RBPJ: variants seen among roughly 807,000 people sequenced by gnomAD.
The protein encoded by RBPJ is recombination signal binding protein for immunoglobulin kappa J region.
A neutral mutation model predicts 67.8 loss-of-function variants in RBPJ; 9 were observed. The ratio of observed to expected loss-of-function variants is 0.13; its 90% confidence interval spans 0.08 to 0.23. The LOEUF is 0.23. RBPJ is among the 10% of genes least tolerant of loss of function. The pLI is 1.00. For synonymous variants in RBPJ, 198 were observed against 203.3 expected (o/e 0.97, Z 0.22); for missense variants, 305 against 595.6 (o/e 0.51, Z 5.08).
upstream of RBPJ, among the ~76,000 whole-genome samples, chr4:26,159,436 T>G (rs1716037762): frequency 6.6e-6 from 1 of 152,158 alleles, no homozygotes. Flanking sequence ...TGATTAGAAA[T>G]GATAACTCCA....
At chr4:26,156,414 C>CTTTTTTTTTTT in the RBPJ span, among the ~76,000 whole-genome samples, 59 of 93,556 alleles carry the variant, frequency 6.3e-4, no homozygotes, top group South Asian at 8.6e-4. Context: ...TCTTTTCTTT[C>CTTTTTTTTTTT]TTTTTTTTTT....
intron 2 of RBPJ, among the ~76,000 whole-genome samples, chr4:26,399,372 G>A (rs546861571): frequency 5.7e-4 from 87 of 152,016 alleles, no homozygotes; most frequent in South Asian, 4.8e-3. Flanking sequence ...TTACCTTTAC[G>A]CGGGGACCAG....
At chr4:26,153,095 G>C in the RBPJ span, among the ~76,000 whole-genome samples, 1 of 152,192 alleles carries the variant, frequency 6.6e-6, no homozygotes, top group Non-Finnish European at 1.5e-5. Flanking sequence ...ATTTTACACA[G>C]TATCTTAAAT....
intron 2 of RBPJ, among the ~76,000 whole-genome samples, chr4:26,398,756 G>A (rs1732435917): frequency 6.6e-6 from 1 of 152,154 alleles, no homozygotes; most frequent in African/African-American, 2.4e-5. Flanking sequence ...TCAGACTACA[G>A]GCGTCTGCCA....
the RBPJ span, among the ~76,000 whole-genome samples, chr4:26,131,768 C>A: frequency 6.6e-6 from 1 of 152,228 alleles, no homozygotes; most frequent in East Asian, 1.9e-4. Context: ...AAACTGACTT[C>A]AGACTTGCGG....
chr4:26,241,157 A>G (rs1719622967), intron 1 of RBPJ, among the ~76,000 whole-genome samples: 1 of 151,394 alleles, frequency 6.6e-6, no homozygotes, highest in African/African-American at 2.4e-5. Flanking sequence ...AGGTCGCACC[A>G]TTGCACTCTA....
chr4:26,207,176 G>A (rs1350284442), intron 1 of RBPJ, among the ~76,000 whole-genome samples: 1 of 152,078 alleles, frequency 6.6e-6, no homozygotes, highest in Non-Finnish European at 1.5e-5. Flanking sequence ...CAAATAAATG[G>A]TGAGCAGATG....
intron 1 of RBPJ, among the ~76,000 whole-genome samples, chr4:26,244,075 G>A (rs1233542806): frequency 6.6e-6 from 1 of 150,858 alleles, no homozygotes; most frequent in Non-Finnish European, 1.5e-5. Flanking sequence ...ACTTTGGCCT[G>A]GGCAACAGAG....
At chr4:26,256,258 A>G (rs1365377505) in intron 1 of RBPJ, among the ~76,000 whole-genome samples, 1 of 151,944 alleles carries the variant, frequency 6.6e-6, no homozygotes, top group African/African-American at 2.4e-5. Flanking sequence ...CTTTGGAAAT[A>G]GAAATGGAAT....
At chr4:26,362,372 C>A in intron 1 of RBPJ, 1 of 832,534 alleles carries the variant, frequency 1.2e-6, no homozygotes, top group Non-Finnish European at 1.7e-6. Context: ...TTAGTCATGG[C>A]AGCAGTTAAC....
At chr4:26,364,283 T>G (rs1350067203) in intron 1 of RBPJ, among the ~76,000 whole-genome samples, 1 of 152,212 alleles carries the variant, frequency 6.6e-6, no homozygotes, top group Non-Finnish European at 1.5e-5. Context: ...TAAACTCTAG[T>G]CTATAACAGT....
At chr4:26,147,167 G>A in the RBPJ span, among the ~76,000 whole-genome samples, 1 of 152,214 alleles carries the variant, frequency 6.6e-6, no homozygotes, top group Admixed American at 6.5e-5. Context: ...ACCACTCAGA[G>A]TTCTTAGTTG....
chr4:26,271,492 C>A (rs1045025831), intron 1 of RBPJ, among the ~76,000 whole-genome samples: 2 of 152,090 alleles, frequency 1.3e-5, no homozygotes, highest in African/African-American at 4.8e-5. Context: ...CAAAGTCTGT[C>A]TGGCTATGGT....
intron 1 of RBPJ, among the ~76,000 whole-genome samples, chr4:26,229,153 G>C (rs1560219965): frequency 6.6e-6 from 1 of 152,222 alleles, no homozygotes; most frequent in African/African-American, 2.4e-5. Context: ...GAAGCCTAAA[G>C]GAGATTTAAT....
intron 1 of RBPJ, among the ~76,000 whole-genome samples, chr4:26,297,398 C>T (rs1163619337): frequency 2.0e-5 from 3 of 148,874 alleles, no homozygotes; most frequent in Admixed American, 6.7e-5. Context: ...CAGAGAGAGA[C>T]GGTGTATGGG....
chr4:26,205,259 A>G (rs1207589458), intron 1 of RBPJ, among the ~76,000 whole-genome samples: 4 of 152,154 alleles, frequency 2.6e-5, no homozygotes, highest in Non-Finnish European at 4.4e-5. Flanking sequence ...GCCCTGTGCC[A>G]TCTTTCACTG....
intron 1 of RBPJ, among the ~76,000 whole-genome samples, chr4:26,327,378 T>A (rs1723739435): frequency 6.6e-6 from 1 of 152,116 alleles, no homozygotes; most frequent in Admixed American, 6.5e-5. Flanking sequence ...ATTGGTGAAG[T>A]TTACGGCAAT....
At chr4:26,253,311 T>C (rs1416573983) in intron 1 of RBPJ, among the ~76,000 whole-genome samples, 3 of 142,782 alleles carry the variant, frequency 2.1e-5, no homozygotes, top group East Asian at 2.0e-4. Flanking sequence ...CTATTTCTTT[T>C]TTTTTTTTTT....
chr4:26,174,415 G>C (rs531033606), intron 1 of RBPJ, among the ~76,000 whole-genome samples: 4 of 152,178 alleles, frequency 2.6e-5, no homozygotes, highest in Non-Finnish European at 4.4e-5. Context: ...TTATGCATTA[G>C]AGCTGTGTTT....
Sources: gnomAD v4.1 joint callset for allele counts (sites outside exome capture counted in the v4.1 genomes callset) on GRCh38, gnomAD v4.1.1 for gene constraint, MANE v1.5 for transcripts, NCBI Gene and HGNC (gene_info 2026-07-23, HGNC 2026-07-21) for gene names.